Variants in RANBP2 observed in about 807,000 individuals in gnomAD.
RANBP2 encodes E3 SUMO-protein ligase RanBP2.
RANBP2 carries 57 observed loss-of-function variants against 303.6 expected under a neutral mutation model. The ratio of observed to expected loss-of-function variants is 0.19; its 90% CI spans 0.15 to 0.23. The LOEUF (loss-of-function observed/expected upper bound fraction) is 0.23. RANBP2 is among the 10% of genes least tolerant of loss of function. The pLI, the probability that RANBP2 is intolerant of heterozygous loss-of-function variation, is 1.00. For missense variants in RANBP2, 3,138 were observed against 3,780.8 expected (o/e 0.83, Z 4.46); for synonymous variants, 1,167 against 1,301.5 (o/e 0.90, Z 2.23).
chr2:108,771,675 G>A (rs928493295), intron 20 of RANBP2, 26 bp from the exon 21 acceptor site: 1 of 1,608,608 alleles, frequency 6.2e-7, no homozygotes, highest in African/African-American at 1.3e-5. Flanking sequence ...CCTTATCTTT[G>A]TCAATTTTTT....
the RANBP2 span, among the ~76,000 whole-genome samples, chr2:109,109,028 C>T: frequency 2.0e-5 from 3 of 152,194 alleles, no homozygotes; most frequent in South Asian, 2.1e-4. Flanking sequence ...TCCAACTCCC[C>T]CTTTATATAT....
the RANBP2 span, among the ~76,000 whole-genome samples, chr2:108,867,544 T>A: frequency 6.6e-6 from 1 of 152,146 alleles, no homozygotes; most frequent in Non-Finnish European, 1.5e-5. Context: ...CCCCAAGCCT[T>A]TGGCAAGTTC....
the RANBP2 span, among the ~76,000 whole-genome samples, chr2:109,213,894 C>T: frequency 6.6e-6 from 1 of 152,196 alleles, no homozygotes; most frequent in Non-Finnish European, 1.5e-5. Context: ...GAGGCAAAGC[C>T]TCCCGGGACA....
the RANBP2 span, among the ~76,000 whole-genome samples, chr2:109,707,320 T>C: frequency 2.0e-5 from 3 of 152,152 alleles, no homozygotes; most frequent in Non-Finnish European, 2.9e-5. Context: ...TTTTCTTGCC[T>C]TCTATCCTCT....
chr2:109,205,003 G>T, the RANBP2 span, among the ~76,000 whole-genome samples: 1 of 152,082 alleles, frequency 6.6e-6, no homozygotes, highest in East Asian at 1.9e-4. Flanking sequence ...AAGCCAGGAG[G>T]TTGAGACCGG....
At chr2:109,096,034 T>TAA in the RANBP2 span, among the ~76,000 whole-genome samples, 1 of 152,140 alleles carries the variant, frequency 6.6e-6, no homozygotes, top group African/African-American at 2.4e-5. Flanking sequence ...AAGGTTTTTC[T>TAA]TTTTTTAAAA....
the RANBP2 span, among the ~76,000 whole-genome samples, chr2:109,473,018 G>A: frequency 6.6e-5 from 10 of 152,236 alleles, no homozygotes; most frequent in Admixed American, 1.3e-4. Context: ...AAAAGATAAT[G>A]TGTTGGCTGA....
the RANBP2 span, among the ~76,000 whole-genome samples, chr2:108,822,881 A>G: frequency 6.6e-6 from 1 of 152,212 alleles, no homozygotes; most frequent in Non-Finnish European, 1.5e-5. Context: ...GTTCTTTGAA[A>G]GTATCAACAA....
chr2:109,386,743 A>G, the RANBP2 span, among the ~76,000 whole-genome samples: 6 of 152,226 alleles, frequency 3.9e-5, no homozygotes, highest in Non-Finnish European at 7.3e-5. Context: ...CTAGGGCTGG[A>G]AACAAAACTG....
chr2:109,492,827 G>T, the RANBP2 span, among the ~76,000 whole-genome samples: 3 of 152,058 alleles, frequency 2.0e-5, no homozygotes, highest in South Asian at 6.2e-4. Flanking sequence ...TGTGGACATC[G>T]TGGGACATGT....
the RANBP2 span, among the ~76,000 whole-genome samples, chr2:109,468,755 G>C: frequency 2.0e-5 from 3 of 150,982 alleles, no homozygotes; most frequent in African/African-American, 7.3e-5. Context: ...TCAGGAGGCT[G>C]AGGCAGGTTA....
At chr2:108,783,168 C>T (rs933455216) in intron 28 of RANBP2, among the ~76,000 whole-genome samples, 4 of 151,174 alleles carry the variant, frequency 2.6e-5, no homozygotes, top group Admixed American at 6.6e-5. Context: ...GCAAAAATCT[C>T]GTCTGGACAA....
At chr2:109,728,513 T>A in the RANBP2 span, among the ~76,000 whole-genome samples, 2 of 151,824 alleles carry the variant, frequency 1.3e-5, no homozygotes, top group East Asian at 3.9e-4. Flanking sequence ...TAGAGTACAG[T>A]GGCACGATCT....
At chr2:109,316,516 G>A in the RANBP2 span, among the ~76,000 whole-genome samples, 2 of 152,194 alleles carry the variant, frequency 1.3e-5, no homozygotes, top group Non-Finnish European at 1.5e-5. Flanking sequence ...ACTCCTCTTA[G>A]AGATTTCCTC....
At chr2:109,308,887 G>A in the RANBP2 span, among the ~76,000 whole-genome samples, 1 of 77,746 alleles carries the variant, frequency 1.3e-5, no homozygotes, top group Non-Finnish European at 2.1e-5. Flanking sequence ...TTTTGGCTTA[G>A]GATTGACTTG....
At position 108,753,153 on chromosome 2, in the gene RANBP2, C is replaced by T. The variant is rs202210294; in HGVS notation, c.1911C>T (p.Asp637=). ...DPLFKHFHSV[D]IQASEIVEYE... Reference sequence around the variant, plus strand: ...TGTTTAAACATTTTCATAGTGTAGACATTCAGGTAACAGAGTTCCTTTATG... The same window carrying T: ...TGTTTAAACATTTTCATAGTGTAGATATTCAGGTAACAGAGTTCCTTTATG... Residue 637 remains aspartate (D), a synonymous_variant, in exon 13 of 29, where the codon GAC becomes GAT. Transcript: ENST00000283195. 103 of 1,610,594 alleles carry T rather than the reference C, an allele frequency of 6.4e-5. No homozygotes were observed. In the East Asian group the frequency reaches 1.1e-3, roughly 17 times the overall value.
At chr2:108,849,744 C>T in the RANBP2 span, among the ~76,000 whole-genome samples, 192 of 152,324 alleles carry the variant, frequency 1.3e-3, 3 homozygotes, top group African/African-American at 4.5e-3. Context: ...TCCTTATAGT[C>T]TGGCCTCTCC....
the RANBP2 span, among the ~76,000 whole-genome samples, chr2:109,604,044 C>T: frequency 6.6e-6 from 1 of 151,496 alleles, no homozygotes. Context: ...TGCCTGTAGT[C>T]CCAGCTACTC....
At chr2:108,963,507 C>T in the RANBP2 span, among the ~76,000 whole-genome samples, 1 of 152,122 alleles carries the variant, frequency 6.6e-6, no homozygotes. Flanking sequence ...TCCCCGTTAC[C>T]CAATGTACCC....
Sources: gnomAD v4.1 joint callset for allele counts (sites outside exome capture counted in the v4.1 genomes callset) on GRCh38, gnomAD v4.1.1 for gene constraint, MANE v1.5 for transcripts, NCBI Gene and HGNC (gene_info 2026-07-23, HGNC 2026-07-21) for gene names.